Variants in CFAP43 observed in about 807,000 individuals in gnomAD.
The protein encoded by CFAP43 is cilia and flagella associated protein 43.
CFAP43 carries 155 observed loss-of-function variants against 218.9 expected under a neutral mutation model. That is an observed-to-expected ratio of 0.71 (90% confidence interval 0.62 to 0.81). CFAP43 has a LOEUF of 0.81. CFAP43 is among the 30% of genes least tolerant of loss of function. The pLI is 0.00. For missense variants in CFAP43, 1,778 were observed against 1,954.3 expected (o/e 0.91, Z 1.70); for synonymous variants, 645 against 681.3 (o/e 0.95, Z 0.83).
chr10:104,164,242 T>G lies in CFAP43; in HGVS notation c.3098A>C (p.Gln1033Pro). ...CACGCGTGCAATTTCAAACTCTTTTTGTTTATATGCAGCGTCAAACTCATT... is the reference window on the plus strand; with the variant it reads ...CACGCGTGCAATTTCAAACTCTTTTGGTTTATATGCAGCGTCAAACTCATT... ...FNNEFDAAYK[Q>P]KEFEIARVKE... is the part of the protein sequence containing the mutation. The change falls in exon 24 of 38, where the codon CAA (glutamine) becomes CCA (proline). Residue 1033 changes from glutamine (Q) to proline (P), a missense_variant. This residue lies in a region of CFAP43 where 1,553 missense variants were observed against 1,685.2 expected (regional missense o/e 0.92). Transcript: ENST00000357060. 6.2e-7 allele frequency: 1 copy of G among 1,613,638 alleles called. No individual in the cohort carries two copies. The highest frequency in any genetic ancestry group is 8.5e-7 in the Non-Finnish European group (1 of 1,179,748).
chr10:104,165,099 CTCT>C (rs1303543571), intron 23 of CFAP43, among the ~76,000 whole-genome samples: 2 of 152,216 alleles, frequency 1.3e-5, no homozygotes, highest in Non-Finnish European at 2.9e-5. Context: ...ACACACAATA[CTCT>C]TCTTCTATAT....
At chr10:104,158,427 C>T (rs1402551439) in intron 27 of CFAP43, among the ~76,000 whole-genome samples, 1 of 152,168 alleles carries the variant, frequency 6.6e-6, no homozygotes, top group Non-Finnish European at 1.5e-5. Context: ...ACAGCATCAT[C>T]TACTTAGTAT....
intron 21 of CFAP43, 152 bp downstream of exon 21, chr10:104,168,592 G>A: frequency 1.6e-6 from 1 of 622,336 alleles, no homozygotes; most frequent in Non-Finnish European, 2.8e-6. Context: ...AAGAGACAGG[G>A]ACACATCCAG....
At chr10:104,168,592 G>C in intron 21 of CFAP43, 152 bp downstream of exon 21, 1 of 622,336 alleles carries the variant, frequency 1.6e-6, no homozygotes, top group Non-Finnish European at 2.8e-6. Context: ...AAGAGACAGG[G>C]ACACATCCAG....
chr10:104,198,884 CAAGT>C (rs2090452679), intron 8 of CFAP43, among the ~76,000 whole-genome samples: 2 of 152,024 alleles, frequency 1.3e-5, no homozygotes, highest in African/African-American at 4.8e-5. Context: ...CTCCTGACCT[CAAGT>C]AATCCCCCCT....
At chr10:104,179,661 T>C (rs2089756722) in intron 18 of CFAP43, among the ~76,000 whole-genome samples, 179 bp downstream of exon 18, 3 of 152,198 alleles carry the variant, frequency 2.0e-5, no homozygotes, top group South Asian at 2.1e-4. Flanking sequence ...ATCTAAATGA[T>C]TGGGCTGTGT....
chr10:104,213,570 T>C (rs539372310), intron 4 of CFAP43, among the ~76,000 whole-genome samples: 2 of 152,212 alleles, frequency 1.3e-5, no homozygotes, highest in East Asian at 3.9e-4. Flanking sequence ...GGAATCTTGC[T>C]CTGTCCCTAG....
chr10:104,135,156 A>T (rs1471076868), intron 34 of CFAP43, among the ~76,000 whole-genome samples: 1 of 150,680 alleles, frequency 6.6e-6, no homozygotes, highest in Non-Finnish European at 1.5e-5. Context: ...AGAAAAAAAA[A>T]ATTGACAAAA....
chr10:104,209,874 AC>A (rs2090801540), intron 5 of CFAP43, among the ~76,000 whole-genome samples: 1 of 152,052 alleles, frequency 6.6e-6, no homozygotes, highest in Admixed American at 6.6e-5. Context: ...GGGTTCCAGG[AC>A]CCCCCACTGA....
At chr10:104,194,574 C>T (rs2090332503) in intron 10 of CFAP43, among the ~76,000 whole-genome samples, 1 of 152,060 alleles carries the variant, frequency 6.6e-6, no homozygotes, top group African/African-American at 2.4e-5. Context: ...GCTGGTATGA[C>T]TAAGGAAGAC....
chr10:104,129,947 A>T lies in CFAP43; in HGVS notation c.*192T>A. On this transcript the variant is annotated 3_prime_UTR_variant, in exon 38 of 38. Coordinates refer to ENST00000357060, the MANE Select transcript of CFAP43 (RefSeq NM_025145.7). ...TAAAAACAGCAATTCATGGTATTTTACACATTTATTCATGCAGGACAAAAA... is the reference window on the plus strand; with the variant it reads ...TAAAAACAGCAATTCATGGTATTTTTCACATTTATTCATGCAGGACAAAAA... 1 of 539,252 alleles carries T rather than the reference A, an allele frequency of 1.9e-6. No homozygotes were observed. The highest frequency in any genetic ancestry group is 3.1e-6 in the Non-Finnish European group (1 of 325,058). 33.4% of individuals were successfully genotyped at this position (539,252 alleles called of 1,614,324 possible). A position where few individuals can be genotyped will look rare whatever the true frequency, so the allele number is the denominator to read the frequency against.
chr10:104,149,032 T>G (rs1366354327), intron 28 of CFAP43, among the ~76,000 whole-genome samples: 1 of 152,200 alleles, frequency 6.6e-6, no homozygotes, highest in Admixed American at 6.5e-5. Flanking sequence ...CTCTTCACGT[T>G]CCCTTTCATT....
Position 104,225,544 on chromosome 10 carries a change from C to T in CFAP43, c.333G>A (p.Leu111=). 1 of 1,610,808 alleles carries T rather than the reference C, an allele frequency of 6.2e-7. No homozygotes were observed. Among genetic ancestry groups the T allele is most frequent in the Non-Finnish European group, 8.5e-7 (1 of 1,178,380 alleles). Residue 111 remains leucine, a synonymous_variant, in exon 3 of 38, where the codon CTG becomes CTA. Coordinates refer to ENST00000357060, the MANE Select transcript of CFAP43 (RefSeq NM_025145.7). ...AACTGAATGAAAGTAAAGTGTAGTC[C>T]AGGAGAATGTTGCCTAAAATATAAA... is the stretch of plus-strand genomic sequence containing the variant. The part of the protein sequence containing the change: ...RRTKLKGNIL[L]DYTLLSFSYC...
intron 3 of CFAP43, among the ~76,000 whole-genome samples, chr10:104,222,501 T>C (rs1043999378): frequency 6.6e-6 from 1 of 152,218 alleles, no homozygotes; most frequent in Non-Finnish European, 1.5e-5. Flanking sequence ...GCACCTCTGC[T>C]GCCGCAGAGC....
chr10:104,136,432 G>A (rs544546905), intron 34 of CFAP43, among the ~76,000 whole-genome samples: 34 of 151,320 alleles, frequency 2.2e-4, no homozygotes, highest in Non-Finnish European at 4.3e-4. Flanking sequence ...GTGCAGTGGC[G>A]CCATCTCGCC....
intron 17 of CFAP43, among the ~76,000 whole-genome samples, chr10:104,181,095 C>T (rs1040623077): frequency 6.6e-6 from 1 of 152,188 alleles, no homozygotes; most frequent in African/African-American, 2.4e-5. Context: ...TAACAGGCTT[C>T]TCGAGCTTAA....
At chr10:104,174,750 T>C (rs2089547707) in intron 19 of CFAP43, among the ~76,000 whole-genome samples, 1 of 152,018 alleles carries the variant, frequency 6.6e-6, no homozygotes. Flanking sequence ...ATGTAAGTAT[T>C]ATATATTTAA....
chr10:104,195,500 T>C (rs1454554143), intron 10 of CFAP43, among the ~76,000 whole-genome samples: 2 of 152,222 alleles, frequency 1.3e-5, no homozygotes, highest in African/African-American at 2.4e-5. Flanking sequence ...AGAATTTTTA[T>C]CTTTACTTTT....
intron 34 of CFAP43, among the ~76,000 whole-genome samples, chr10:104,136,024 C>A (rs2134734082): frequency 6.6e-6 from 1 of 151,922 alleles, no homozygotes; most frequent in Middle Eastern, 3.4e-3. Flanking sequence ...CTGAGGCAGG[C>A]AGATCACCTG....
Sources: gnomAD v4.1 joint callset for allele counts (sites outside exome capture counted in the v4.1 genomes callset) on GRCh38, gnomAD v4.1.1 for gene constraint, gnomAD v4.1.1 regional missense constraint, MANE v1.5 for transcripts, NCBI Gene and HGNC (gene_info 2026-07-23, HGNC 2026-07-21) for gene names.